Variants in SPTBN5 observed in about 807,000 individuals in gnomAD.
The protein encoded by SPTBN5 is spectrin beta chain, non-erythrocytic 5.
In SPTBN5, 513 loss-of-function variants were observed where a neutral mutation model predicts 477.6. The ratio of observed to expected loss-of-function variants is 1.07; its 90% CI spans 1.00 to 1.16. SPTBN5 has a LOEUF of 1.16. Ranked by LOEUF, SPTBN5 falls within the 50% of genes most tolerant of loss-of-function variation. The pLI, the probability that SPTBN5 is intolerant of heterozygous loss-of-function variation, is 0.00. For missense variants in SPTBN5, 5,062 were observed against 4,731.8 expected (o/e 1.07, Z -2.05); for synonymous variants, 2,169 against 2,011.7 (o/e 1.08, Z -2.09).
At position 41,881,984 on chromosome 15, in the gene SPTBN5, C is replaced by T; in HGVS notation, c.2409G>A (p.Arg803=). The change falls in exon 12 of 68, where the codon CGG becomes CGA. Residue 803 remains arginine (R), a synonymous_variant. Transcript: ENST00000320955. ...AGGCCGCCCGCCCCTGCTCCTCCAGCCGCCGCAGCTCGGCCGCGAAGGCGC... is the reference window on the plus strand; with the variant it reads ...AGGCCGCCCGCCCCTGCTCCTCCAGTCGCCGCAGCTCGGCCGCGAAGGCGC... ...VLRAFAAELR[R]LEEQGRAASA... is the part of the protein sequence containing the mutation. 1 of 1,539,592 alleles carries T rather than the reference C, an allele frequency of 6.5e-7. No homozygotes were observed. Among genetic ancestry groups the T allele is most frequent in the Non-Finnish European group, 8.7e-7 (1 of 1,152,344 alleles).
Position 41,874,993 on chromosome 15 carries a change from G to A in SPTBN5, c.4351C>T (p.Leu1451=). 1 of 1,613,720 alleles carries A rather than the reference G, an allele frequency of 6.2e-7. No homozygotes were observed. Among genetic ancestry groups the A allele is most frequent in the South Asian group, 1.1e-5 (1 of 91,078 alleles). ...ALQSSETGQD[L]RSSQRLQKRH... ...TTCTGCAGCCTCTGGCTGGAGCGCA[G>A]GTCCTGCCCTGTTTCCGAGCTCTGT... The change falls in exon 23 of 68, where the codon CTG becomes TTG. Residue 1451 remains leucine (L), a synonymous_variant. Coordinates refer to ENST00000320955, the MANE Select transcript of SPTBN5 (RefSeq NM_016642.4).
chr15:41,891,648 T>A (rs1056282356), intron 3 of SPTBN5, among the ~76,000 whole-genome samples: 1 of 152,184 alleles, frequency 6.6e-6, no homozygotes, highest in Non-Finnish European at 1.5e-5. Flanking sequence ...ACACCGCTGA[T>A]CTGGGTTCAA....
chr15:41,861,607 G>A, intron 45 of SPTBN5, 111 bp from the exon 46 acceptor site: 1 of 1,507,264 alleles, frequency 6.6e-7, no homozygotes, highest in Non-Finnish European at 9.1e-7. Context: ...GAAGGCAGGA[G>A]TGCTGAGTGG....
In SPTBN5 at chr15:41,867,080, A is replaced by AC. The variant is rs1275840433; in HGVS notation, c.6358dup (p.Val2120GlyfsTer43). ...CAGCAGGATGGGAAGCCGGTCCCGC[A>AC]CCCGGGGGCGCCGGAGCGTCTTCAG... On this transcript the variant is annotated frameshift_variant, in exon 36 of 68. Transcript: ENST00000320955. LOFTEE classifies it high-confidence loss of function. 1.9e-6 allele frequency: 3 copies of AC among 1,546,370 alleles called. No homozygotes were observed. The highest frequency in any genetic ancestry group is 2.6e-6 in the Non-Finnish European group (3 of 1,147,220).
chr15:41,851,785 C>T lies in SPTBN5; in HGVS notation c.10650G>A (p.Gly3550=). The change falls in exon 63 of 68, where the codon GGG becomes GGA. Residue 3550 remains glycine, a synonymous_variant. Transcript: ENST00000320955. The stretch of plus-strand genomic sequence containing the variant: ...GGAATCTCCAGGCACTCACCTGCCT[C>T]CCGCCAGGCAGCAGGTGCTGCTTGA... ...LEFKQHLLPG[G]RQPSSSSWDS... The T allele has an allele frequency of 6.2e-7, 1 of 1,610,010 alleles. No individual in the cohort carries two copies. Among genetic ancestry groups the T allele is most frequent in the Non-Finnish European group, 8.5e-7 (1 of 1,179,094 alleles).
At chr15:41,861,613 A>T in intron 45 of SPTBN5, 117 bp from the exon 46 acceptor site, 1 of 1,505,012 alleles carries the variant, frequency 6.6e-7, no homozygotes, top group Non-Finnish European at 9.1e-7. Context: ...AGGAGTGCTG[A>T]GTGGTGGGGA....
chr15:41,851,950 A>G (rs2065778878), intron 62 of SPTBN5, 100 bp from the exon 63 acceptor site: 1 of 1,053,438 alleles, frequency 9.5e-7, no homozygotes, highest in African/African-American at 1.6e-5. Context: ...CCTCCCATCC[A>G]AGTACTAACC....
chr15:41,848,239 T>C lies in SPTBN5; in HGVS notation c.*377A>G, dbSNP rs2065620266. The C allele has an allele frequency of 2.0e-6, 1 of 492,532 alleles. No homozygotes were observed. The highest frequency in any genetic ancestry group is 1.9e-5 in the African/African-American group (1 of 51,672). The allele number at this position is 492,532 out of a possible 1,614,324, so 30.5% of individuals were successfully genotyped here. A position where few individuals can be genotyped will look rare whatever the true frequency, so the allele number is the denominator to read the frequency against. ...TGGCAAGGGCTGGTACAGAGCTCGC[T>C]CATCAGTGTTCTTCCTCCGAAGAGC... On this transcript the variant is annotated 3_prime_UTR_variant, in exon 68 of 68. Coordinates refer to ENST00000320955, the MANE Select transcript of SPTBN5 (RefSeq NM_016642.4).
At chr15:41,854,739 G>T in intron 56 of SPTBN5, 43 bp downstream of exon 56, 1 of 1,446,228 alleles carries the variant, frequency 6.9e-7, no homozygotes, top group Non-Finnish European at 9.2e-7. Context: ...ATTTTTTGAA[G>T]ACTCTGACAC....
rs182961184 is a variant in SPTBN5, at chr15:41,874,138, G to A, written c.4690-93C>T. The stretch of plus-strand genomic sequence containing the variant: ...TGGCTCCAGGCCCCAATCATGGCAA[G>A]ACCCCCAGGGTCAAAATAGCTGGGG... On this transcript the variant is annotated intron_variant, in intron 24 of 67. Transcript: ENST00000320955. 387 of 1,507,282 alleles carry A rather than the reference G, an allele frequency of 2.6e-4. 1 individual carries two copies. In the African/African-American group the frequency reaches 4.5e-3, roughly 17 times the overall value. 93.4% of individuals were successfully genotyped at this position (1,507,282 alleles called of 1,614,324 possible). A position where few individuals can be genotyped will look rare whatever the true frequency, so the allele number is the denominator to read the frequency against.
At position 41,871,470 on chromosome 15, in the gene SPTBN5, G is replaced by T. The variant is rs1380507678; in HGVS notation, c.5352C>A (p.Ser1784Arg). The T allele has an allele frequency of 1.3e-6, 2 of 1,537,388 alleles. No homozygotes were observed. Among genetic ancestry groups the T allele is most frequent in the Admixed American group, 4.0e-5 (2 of 49,404 alleles). Reference protein sequence around the residue: ...AKFQHQVEMGSQRVAACRLLA... With the variant: ...AKFQHQVEMGRQRVAACRLLA... Reference sequence around the variant, plus strand: ...GCAGCCGGCAGGCGGCCACCCGCTGGCTGCCCATCTCCACTTGGTGCTGAA... The same window carrying T: ...GCAGCCGGCAGGCGGCCACCCGCTGTCTGCCCATCTCCACTTGGTGCTGAA... The change falls in exon 29 of 68, where the codon AGC (serine) becomes AGA (arginine). Residue 1784 changes from serine to arginine, a missense_variant. By Grantham distance (110) the Ser-to-Arg change is moderately radical. Coordinates refer to ENST00000320955, the MANE Select transcript of SPTBN5 (RefSeq NM_016642.4).
Position 41,876,125 on chromosome 15 carries a change from C to T in SPTBN5, c.4111G>A (p.Ala1371Thr). 6.2e-7 allele frequency: 1 copy of T among 1,600,974 alleles called. No homozygotes were observed. Among genetic ancestry groups the T allele is most frequent in the Non-Finnish European group, 8.5e-7 (1 of 1,178,368 alleles). The change falls in exon 21 of 68, where the codon GCC becomes ACC. Residue 1371 changes from alanine to threonine, a missense_variant. Coordinates refer to ENST00000320955, the MANE Select transcript of SPTBN5 (RefSeq NM_016642.4). ...ELLATRRHVEALQQVGRELLS... is the reference protein window; with the variant it reads ...ELLATRRHVETLQQVGRELLS... ...CCCGTGTCCCCCACCTGCTGCAGGG[C>T]CTCCACGTGTCTGCGGGTGGCGAGT... is the stretch of plus-strand genomic sequence containing the variant.
intron 41 of SPTBN5, 90 bp downstream of exon 41, chr15:41,863,614 G>A (rs2278966): frequency 3.0e-6 from 3 of 1,010,646 alleles, no homozygotes; most frequent in Non-Finnish European, 4.6e-6. Flanking sequence ...GGCCAGTGAG[G>A]GGGGAGACGC....
In SPTBN5 at chr15:41,877,345, A is replaced by T. The variant is rs1460284619; in HGVS notation, c.3482T>A (p.Leu1161Gln). 6.2e-7 allele frequency: 1 copy of T among 1,607,508 alleles called. No individual in the cohort carries two copies. Among genetic ancestry groups the T allele is most frequent in the East Asian group, 2.2e-5 (1 of 44,664 alleles). ...IHLWQERLQQ[L>Q]DAQSQPMAAL... ...TGCCATGGGCTGGCTCTGAGCGTCC[A>T]GCTGCTGCAGCCTGACCAGGATGAC... Residue 1161 changes from leucine (L) to glutamine (Q), a missense_variant, in exon 18 of 68, where the codon CTG becomes CAG. Coordinates refer to ENST00000320955, the MANE Select transcript of SPTBN5 (RefSeq NM_016642.4).
rs2066864630 is a variant in SPTBN5 at position 41,879,330 on chromosome 15, G to A, written c.3112C>T (p.Leu1038=). ...PGSSEDTCHA[L]QLAQKKTLVL... ...AGGGTCTTCTTCTGGGCCAGCTGCAGGGCGTGGCAGGTGTCCTCTGAGCTC... is the reference window on the plus strand; with the variant it reads ...AGGGTCTTCTTCTGGGCCAGCTGCAAGGCGTGGCAGGTGTCCTCTGAGCTC... Residue 1038 remains leucine, a synonymous_variant, in exon 16 of 68, where the codon CTG becomes TTG. Coordinates refer to ENST00000320955, the MANE Select transcript of SPTBN5 (RefSeq NM_016642.4). 1.2e-6 allele frequency: 2 copies of A among 1,609,916 alleles called. No homozygotes were observed. Among genetic ancestry groups the A allele is most frequent in the Non-Finnish European group, 1.7e-6 (2 of 1,179,666 alleles).
At chr15:41,877,436 AC>A (rs1403300953) in intron 17 of SPTBN5, 80 bp from the exon 18 acceptor site, 19 of 1,514,572 alleles carry the variant, frequency 1.3e-5, no homozygotes. Context: ...TCCAGGGTTC[AC>A]GCATCTTGGA....
chr15:41,857,146 G>A lies in SPTBN5; in HGVS notation c.8621+92C>T, dbSNP rs375238575. On this transcript the variant is annotated intron_variant, in intron 51 of 67. Coordinates refer to ENST00000320955, the MANE Select transcript of SPTBN5 (RefSeq NM_016642.4). ...GCTGTGGCCCTCACCATGGGCAAGG[G>A]GAGAAAGTGAGAAGACATCAGTTAA... is the stretch of plus-strand genomic sequence containing the variant. 34 of 1,515,104 alleles carry A rather than the reference G, an allele frequency of 2.2e-5. No individual in the cohort carries two copies. In the East Asian group the frequency reaches 3.4e-4, roughly 15 times the overall value. 93.9% of individuals were successfully genotyped at this position (1,515,104 alleles called of 1,614,324 possible). A position where few individuals can be genotyped will look rare whatever the true frequency, so the allele number is the denominator to read the frequency against.
In SPTBN5 at chr15:41,871,920, G is replaced by C. The variant is rs750546245; in HGVS notation, c.5166-3C>G. On this transcript the variant is annotated splice_region_variant and splice_polypyrimidine_tract_variant and intron_variant, in intron 27 of 67. Transcript: ENST00000320955. ...GGGTCCCCTCCAGTTCCCGGTCCCT[G>C]TGGTAACAGTCCGTGGTTCCCCAGA... 6.4e-7 allele frequency: 1 copy of C among 1,565,398 alleles called. No homozygotes were observed. Among genetic ancestry groups the C allele is most frequent in the Non-Finnish European group, 8.7e-7 (1 of 1,152,420 alleles).
chr15:41,860,018 AG>A (rs34320679), intron 47 of SPTBN5, among the ~76,000 whole-genome samples: 6 of 152,222 alleles, frequency 3.9e-5, no homozygotes, highest in Non-Finnish European at 7.3e-5. Context: ...GAGCTTTTAC[AG>A]GGAAAAAGAA....
Sources: gnomAD v4.1 joint callset for allele counts (sites outside exome capture counted in the v4.1 genomes callset) on GRCh38, gnomAD v4.1.1 for gene constraint, MANE v1.5 for transcripts, NCBI Gene and HGNC (gene_info 2026-07-23, HGNC 2026-07-21) for gene names.